The following CHRM3 variants were observed in gnomAD, a reference collection of about 807,000 sequenced individuals.
CHRM3 encodes cholinergic receptor muscarinic 3, also known as muscarinic acetylcholine receptor M3.
A neutral mutation model predicts 41.8 loss-of-function variants in CHRM3; 11 were observed. The observed-to-expected ratio is 0.26, with a 90% confidence interval of 0.17 to 0.44. CHRM3 has a LOEUF of 0.44. Ranked by LOEUF, CHRM3 falls within the 20% of genes least tolerant of loss-of-function variation. CHRM3 has a pLI of 1.00. For missense variants in CHRM3, 571 were observed against 745.4 expected (o/e 0.77, Z 2.72); for synonymous variants, 297 against 301.4 (o/e 0.99, Z 0.15).
intron 4 of CHRM3, among the ~76,000 whole-genome samples, chr1:239,643,579 G>A (rs1671438851): frequency 6.6e-6 from 1 of 152,190 alleles, no homozygotes; most frequent in Non-Finnish European, 1.5e-5. Context: ...AGCCAGGTGC[G>A]GGATATAATC....
intron 4 of CHRM3, among the ~76,000 whole-genome samples, chr1:239,655,941 G>C (rs890940680): frequency 6.6e-6 from 1 of 152,122 alleles, no homozygotes; most frequent in Non-Finnish European, 1.5e-5. Context: ...TAAATAAAAC[G>C]TGGTACTTTT....
intron 2 of CHRM3, among the ~76,000 whole-genome samples, chr1:239,543,048 G>C (rs561946240): frequency 6.6e-6 from 1 of 152,230 alleles, no homozygotes; most frequent in African/African-American, 2.4e-5. Flanking sequence ...GAGTTCTTCT[G>C]TTTGTTGTTA....
rs1227695382 is a variant in CHRM3, at chr1:239,390,793, G to T, written c.-521+3566G>T. Among the ~76,000 whole-genome samples, 5 of 152,240 alleles carry T rather than the reference G, an allele frequency of 3.3e-5. No individual in the cohort carries two copies. In the East Asian group the frequency reaches 9.7e-4, roughly 29 times the overall value. On this transcript the variant is annotated intron_variant, in intron 1 of 6. Coordinates refer to ENST00000676153, the MANE Select transcript of CHRM3 (RefSeq NM_001375978.1). Reference sequence around the variant, plus strand: ...CTGCTACCTTCCCTAGCAGTTGCATGCCCCAGACAGTATAGATCTCCATTA... The same window carrying T: ...CTGCTACCTTCCCTAGCAGTTGCATTCCCCAGACAGTATAGATCTCCATTA...
At chr1:239,892,812 C>A (rs965188884) in intron 6 of CHRM3, among the ~76,000 whole-genome samples, 2 of 152,176 alleles carry the variant, frequency 1.3e-5, no homozygotes, top group Non-Finnish European at 2.9e-5. Flanking sequence ...TAGCCAAGGA[C>A]ATAATGTGCC....
At chr1:239,502,818 A>T (rs1668324972) in intron 2 of CHRM3, among the ~76,000 whole-genome samples, 1 of 152,260 alleles carries the variant, frequency 6.6e-6, no homozygotes, top group Non-Finnish European at 1.5e-5. Context: ...TCACATGATC[A>T]TCTCAATAGT....
Position 239,907,501 on chromosome 1 carries a change from G to C in CHRM3, c.50G>C (p.Ser17Thr), listed in dbSNP as rs1244235649. ...STTSPLFPNISSSWIHSPSDA... is the reference protein window; with the variant it reads ...STTSPLFPNITSSWIHSPSDA... Reference sequence around the variant, plus strand: ...ACCTCGCCTTTGTTTCCAAACATCAGCTCCTCCTGGATACACAGCCCCTCC... The same window carrying C: ...ACCTCGCCTTTGTTTCCAAACATCACCTCCTCCTGGATACACAGCCCCTCC... Residue 17 changes from serine (S) to threonine (T), a missense_variant, in exon 7 of 7, where the codon AGC becomes ACC. Around this residue, in one of 5 missense-constraint regions of CHRM3, gnomAD observed 92 missense variants for 76.1 expected, o/e 1.21. Coordinates refer to ENST00000676153, the MANE Select transcript of CHRM3 (RefSeq NM_001375978.1). This position sits in a 1 kb window ranked among gnomAD's most constrained non-coding sequence, Gnocchi z 5.4. The C allele has an allele frequency of 1.2e-6, 2 of 1,614,094 alleles. No individual in the cohort carries two copies. The highest frequency in any genetic ancestry group is 2.2e-5 in the South Asian group (2 of 91,076).
intron 3 of CHRM3, among the ~76,000 whole-genome samples, chr1:239,577,059 T>TA (rs952609456): frequency 2.0e-5 from 3 of 152,168 alleles, no homozygotes; most frequent in African/African-American, 7.2e-5. Flanking sequence ...AGGTTGAAAG[T>TA]GGAGTATTAT....
chr1:239,763,778 C>T (rs561827153), intron 5 of CHRM3, among the ~76,000 whole-genome samples: 8 of 152,012 alleles, frequency 5.3e-5, no homozygotes, highest in African/African-American at 1.9e-4. Flanking sequence ...CCTTTTCTCT[C>T]GGTGGAGCTT....
chr1:239,864,001 C>T (rs1382667386), intron 6 of CHRM3, among the ~76,000 whole-genome samples: 1 of 151,710 alleles, frequency 6.6e-6, no homozygotes, highest in Admixed American at 6.6e-5. Flanking sequence ...TACTAAAAGA[C>T]CTTAGAAGAA....
chr1:239,647,478 T>A (rs2148952238), intron 4 of CHRM3, among the ~76,000 whole-genome samples: 1 of 152,306 alleles, frequency 6.6e-6, no homozygotes, highest in East Asian at 1.9e-4. Flanking sequence ...CTTTTCTTCT[T>A]TTTCTTGTTT....
chr1:239,565,638 T>A (rs1356107341), intron 3 of CHRM3, among the ~76,000 whole-genome samples: 1 of 152,214 alleles, frequency 6.6e-6, no homozygotes, highest in Non-Finnish European at 1.5e-5. Flanking sequence ...CCTTGTGATC[T>A]ATATTGGAAG....
At chr1:239,586,671 C>T (rs1572801120) in intron 3 of CHRM3, among the ~76,000 whole-genome samples, 1 of 151,994 alleles carries the variant, frequency 6.6e-6, no homozygotes, top group African/African-American at 2.4e-5. Flanking sequence ...ATGTTGCATG[C>T]TTTCTCCTTG....
chr1:239,778,090 T>G (rs74822212), intron 5 of CHRM3, among the ~76,000 whole-genome samples: 71 of 152,214 alleles, frequency 4.7e-4, no homozygotes, highest in East Asian at 2.9e-3. Context: ...AAAAACCACC[T>G]GTACCCCCAA....
rs185272230 is a variant in CHRM3, at chr1:239,424,230, G to T, written c.-521+37003G>T. 1.1e-4 allele frequency among the ~76,000 whole-genome samples: 17 copies of T among 152,216 alleles called. No homozygotes were observed. The East Asian group carries it at 1.5e-3, about 14-fold the overall frequency. Reference sequence around the variant, plus strand: ...ACGGCAATGAGTGGTGTATCCTCCTGGGTAGAACAGGCATTCCTCAGGGAG... The same window carrying T: ...ACGGCAATGAGTGGTGTATCCTCCTTGGTAGAACAGGCATTCCTCAGGGAG... On this transcript the variant is annotated intron_variant, in intron 1 of 6. Transcript: ENST00000676153.
At chr1:239,523,932 T>C (rs12240097) in intron 2 of CHRM3, among the ~76,000 whole-genome samples, 10,068 of 152,200 alleles carry the variant, frequency 0.066, 679 homozygotes, top group African/African-American at 0.17. Flanking sequence ...AATATTTCTG[T>C]TGGGAAATCA....
intron 3 of CHRM3, among the ~76,000 whole-genome samples, chr1:239,583,980 C>CT (rs1663152846): frequency 6.6e-6 from 1 of 152,102 alleles, no homozygotes; most frequent in African/African-American, 2.4e-5. Flanking sequence ...AAAATACCTG[C>CT]TTTGCCCCTT....
At chr1:239,513,158 G>T (rs1389926148) in intron 2 of CHRM3, among the ~76,000 whole-genome samples, 2 of 152,132 alleles carry the variant, frequency 1.3e-5, no homozygotes, top group African/African-American at 4.8e-5. Context: ...GTTTTTATGG[G>T]TAGTGTGAAA....
intron 4 of CHRM3, among the ~76,000 whole-genome samples, chr1:239,659,675 C>A (rs1020620395): frequency 3.3e-5 from 5 of 152,162 alleles, no homozygotes; most frequent in African/African-American, 1.2e-4. Flanking sequence ...GGACAATAAA[C>A]ATTCCCCTTC....
intron 6 of CHRM3, chr1:239,899,623 G>A (rs1679344351): frequency 6.6e-6 from 1 of 151,672 alleles, no homozygotes. Flanking sequence ...CTAAGTATAT[G>A]TACATTGTAT....
Sources: allele counts gnomAD v4.1 joint callset (sites outside exome capture counted in the v4.1 genomes callset), GRCh38; gene constraint gnomAD v4.1.1; regional missense constraint gnomAD v4.1.1; non-coding constraint Gnocchi (gnomAD v3.1); transcripts MANE v1.5; gene names NCBI Gene and HGNC (gene_info 2026-07-23, HGNC 2026-07-21).